FOXN3: variants seen among roughly 807,000 people sequenced by gnomAD.
The protein encoded by FOXN3 is forkhead box protein N3.
FOXN3 carries 7 observed loss-of-function variants against 38.4 expected under a neutral mutation model. The observed-to-expected ratio is 0.18, with a 90% confidence interval of 0.10 to 0.34. The LOEUF (loss-of-function observed/expected upper bound fraction) is 0.34, where lower values mean the gene tolerates loss of function less well. Among genes scored for constraint, FOXN3 ranks in the 10% least tolerant of loss-of-function variants. The probability of loss-of-function intolerance (pLI) is 1.00; values close to 1 mark genes in which losing one functional copy is unlikely to be tolerated. For missense variants in FOXN3, 456 were observed against 613.4 expected, an observed-to-expected ratio of 0.74 and a Z score of 2.71; for synonymous variants, 230 against 242.2, an observed-to-expected ratio of 0.95 and a Z score of 0.47.
intron 1 of FOXN3, among the ~76,000 whole-genome samples, chr14:89,488,535 C>G (rs762875032): frequency 3.3e-5 from 5 of 151,834 alleles, no homozygotes; most frequent in Non-Finnish European, 5.9e-5. Flanking sequence ...CGCCTGTAGT[C>G]CCAGCCACCT....
intron 1 of FOXN3, among the ~76,000 whole-genome samples, chr14:89,545,536 A>G (rs1282686313): frequency 3.9e-5 from 6 of 152,122 alleles, no homozygotes; most frequent in African/African-American, 2.4e-5. Flanking sequence ...TTACACATCC[A>G]TTACACCGTT....
intron 2 of FOXN3, among the ~76,000 whole-genome samples, chr14:89,367,638 G>A (rs531073445): frequency 6.6e-6 from 1 of 152,114 alleles, no homozygotes; most frequent in Non-Finnish European, 1.5e-5. Flanking sequence ...GGGGTTGGAC[G>A]CAGGGGATAA....
At chr14:89,284,606 C>T (rs1227753206) in intron 3 of FOXN3, 3 of 455,778 alleles carry the variant, frequency 6.6e-6, no homozygotes, top group Non-Finnish European at 1.3e-5. Context: ...TCAGACTAAC[C>T]ATATGTGAAA....
intron 1 of FOXN3, among the ~76,000 whole-genome samples, chr14:89,558,488 G>A (rs1013552556): frequency 6.6e-6 from 1 of 152,146 alleles, no homozygotes; most frequent in Non-Finnish European, 1.5e-5. Flanking sequence ...CAGGACCCTC[G>A]TTTCCAGGGT....
chr14:89,513,620 A>G (rs1445952207), intron 1 of FOXN3, among the ~76,000 whole-genome samples: 1 of 150,178 alleles, frequency 6.7e-6, no homozygotes. Flanking sequence ...TTGAGACGGA[A>G]TTTCACTCTT....
At chr14:89,209,184 T>A (rs960656611) in intron 4 of FOXN3, among the ~76,000 whole-genome samples, 1 of 152,260 alleles carries the variant, frequency 6.6e-6, no homozygotes, top group Non-Finnish European at 1.5e-5. Context: ...CAGAACCAGC[T>A]GTAGTTACCA....
At position 89,353,671 on chromosome 14, in the gene FOXN3, A is replaced by G. The variant is rs191994651; in HGVS notation, c.544-2863T>C. The G allele has an allele frequency of 5.7e-4, 87 of 152,294 alleles. 1 individual carries two copies. Among genetic ancestry groups the G allele is most frequent in the African/African-American group, 2.0e-3 (85 of 41,552 alleles). The allele number at this position is 152,294 out of a possible 1,614,324, so 9.4% of individuals were successfully genotyped here. ...GAAAGTCTTTTGCCCAGGTCTCTGC[A>G]CTGTCAACATCAAGCTGAGGTTTAA... On this transcript the variant is annotated intron_variant, in intron 2 of 5. Coordinates refer to ENST00000557258, the MANE Select transcript of FOXN3 (RefSeq NM_005197.4).
chr14:89,196,236 G>A (rs981381459), intron 4 of FOXN3, among the ~76,000 whole-genome samples: 4 of 152,190 alleles, frequency 2.6e-5, no homozygotes, highest in African/African-American at 9.7e-5. Flanking sequence ...AGGTAACACA[G>A]TTTCCAGAAT....
intron 4 of FOXN3, among the ~76,000 whole-genome samples, chr14:89,201,359 T>C (rs760807467): frequency 6.6e-6 from 1 of 152,232 alleles, no homozygotes; most frequent in Non-Finnish European, 1.5e-5. Context: ...CGAAGCCCTC[T>C]AGAGTCTGGC....
At chr14:89,338,596 C>A (rs1015609250) in intron 3 of FOXN3, among the ~76,000 whole-genome samples, 1 of 152,150 alleles carries the variant, frequency 6.6e-6, no homozygotes, top group African/African-American at 2.4e-5. Context: ...GAGTGCAAGA[C>A]CAGCCTGGCC....
At chr14:89,330,704 G>T (rs974181989) in intron 3 of FOXN3, among the ~76,000 whole-genome samples, 1 of 152,358 alleles carries the variant, frequency 6.6e-6, no homozygotes, top group Non-Finnish European at 1.5e-5. Context: ...TCCAAATGCT[G>T]CAATTGGAAA....
intron 4 of FOXN3, among the ~76,000 whole-genome samples, chr14:89,221,099 C>G (rs1420065686): frequency 6.6e-5 from 10 of 152,048 alleles, no homozygotes; most frequent in Admixed American, 6.6e-4. Flanking sequence ...AAGGCAGAAG[C>G]CTGTGTGTGT....
chr14:89,334,257 G>C (rs114528808), intron 3 of FOXN3, among the ~76,000 whole-genome samples: 13 of 151,754 alleles, frequency 8.6e-5, no homozygotes, highest in African/African-American at 3.1e-4. Context: ...GTTGGGGAGT[G>C]AGGCGGGCTG....
intron 1 of FOXN3, among the ~76,000 whole-genome samples, chr14:89,416,650 G>A (rs560060112): frequency 1.3e-5 from 2 of 152,284 alleles, no homozygotes; most frequent in African/African-American, 4.8e-5. Flanking sequence ...CCGAGGCACC[G>A]GGAAGCAGCA....
chr14:89,592,536 T>C (rs1377691931), intron 1 of FOXN3, among the ~76,000 whole-genome samples: 1 of 152,156 alleles, frequency 6.6e-6, no homozygotes, highest in African/African-American at 2.4e-5. Context: ...ATCAAAATGG[T>C]AGATGGACTT....
intron 1 of FOXN3, among the ~76,000 whole-genome samples, chr14:89,554,782 C>CTTTTTTTTTTTTTTTTTTT (rs34530866): frequency 1.5e-5 from 1 of 68,588 alleles, no homozygotes; most frequent in African/African-American, 5.1e-5. Flanking sequence ...ACTAGCATTT[C>CTTTTTTTTTTTTTTTTTTT]TTTTTTTTTT....
At position 89,562,970 on chromosome 14, in the gene FOXN3, G is replaced by C. The variant is rs566882103; in HGVS notation, c.-15+56058C>G. ...TGAGAATTTTAATGTCTTGGGAAAAGAGAGAAAAATGAGAGTCTAAGTACT... is the reference window on the plus strand; with the variant it reads ...TGAGAATTTTAATGTCTTGGGAAAACAGAGAAAAATGAGAGTCTAAGTACT... On this transcript the variant is annotated intron_variant, in intron 1 of 6. Coordinates refer to the FOXN3 transcript ENST00000345097. 3.3e-5 allele frequency among the ~76,000 whole-genome samples: 5 copies of C among 152,326 alleles called. No individual in the cohort carries two copies. In the South Asian group the frequency reaches 6.2e-4, roughly 19 times the overall value.
At chr14:89,288,714 CTCTCTCTCTCTATATATATA>C (rs1886746463) in intron 3 of FOXN3, among the ~76,000 whole-genome samples, 17 of 60,762 alleles carry the variant, frequency 2.8e-4, no homozygotes, top group African/African-American at 8.2e-4. Context: ...CTCTCTCTCT[CTCTCTCTCTCTATATATATA>C]TATATATATA....
At chr14:89,337,393 AC>A (rs1888493552) in intron 3 of FOXN3, among the ~76,000 whole-genome samples, 1 of 152,152 alleles carries the variant, frequency 6.6e-6, no homozygotes, top group African/African-American at 2.4e-5. Flanking sequence ...AGATTTAAAC[AC>A]GGATTATGTA....
Sources: gnomAD v4.1 joint callset for allele counts (sites outside exome capture counted in the v4.1 genomes callset) on GRCh38, gnomAD v4.1.1 for gene constraint, MANE v1.5 for transcripts, NCBI Gene and HGNC (gene_info 2026-07-23, HGNC 2026-07-21) for gene names.